BCAS3: variants seen among roughly 807,000 people sequenced by gnomAD.
BCAS3 encodes BCAS4/BCAS3 fusion.
BCAS3 carries 53 observed loss-of-function variants against 116.1 expected under a neutral mutation model. The ratio of observed to expected loss-of-function variants is 0.46; its 90% CI spans 0.37 to 0.57. The LOEUF is 0.57. Among genes scored for constraint, BCAS3 ranks in the 20% least tolerant of loss-of-function variants. BCAS3 has a pLI of 0.00. For synonymous variants in BCAS3, 391 were observed against 408.2 expected (o/e 0.96, Z 0.51); for missense variants, 917 against 1,165.4 (o/e 0.79, Z 3.10).
At position 61,037,488 on chromosome 17, in the gene BCAS3, T is replaced by C. The variant is rs2067127287; in HGVS notation, c.1763-401T>C. ...CAAGCACCATATGAAAAAATTCCTG[T>C]CGTCTGAGCATGGTGGCTCACGCCT... On this transcript the variant is annotated intron_variant, in intron 17 of 23. Coordinates refer to ENST00000407086, the MANE Select transcript of BCAS3 (RefSeq NM_017679.5). This position sits in a 1 kb window ranked among gnomAD's most constrained non-coding sequence, Gnocchi z 4.7. Among the ~76,000 whole-genome samples, 1 of 152,180 alleles carries C rather than the reference T, an allele frequency of 6.6e-6. No individual in the cohort carries two copies. Among genetic ancestry groups the C allele is most frequent in the African/African-American group, 2.4e-5 (1 of 41,438 alleles).
chr17:61,374,522 T>C (rs1427480498), intron 23 of BCAS3, among the ~76,000 whole-genome samples: 1 of 152,202 alleles, frequency 6.6e-6, no homozygotes, highest in Non-Finnish European at 1.5e-5. Context: ...TCCGGGAGAC[T>C]GTCTGTTCCC....
chr17:61,055,726 C>A (rs1003765731), intron 19 of BCAS3, among the ~76,000 whole-genome samples: 2 of 152,094 alleles, frequency 1.3e-5, no homozygotes, highest in Non-Finnish European at 2.9e-5. Context: ...TCTGTTCTTA[C>A]ATGGTTTATA....
intron 22 of BCAS3, among the ~76,000 whole-genome samples, chr17:61,317,509 AAAT>A (rs1258614518): frequency 6.6e-6 from 1 of 152,182 alleles, no homozygotes; most frequent in Non-Finnish European, 1.5e-5. Flanking sequence ...TGGACCAGGA[AAAT>A]GCAGCTCATG....
intron 6 of BCAS3, among the ~76,000 whole-genome samples, chr17:60,775,750 T>C (rs570741453): frequency 2.6e-5 from 4 of 152,310 alleles, no homozygotes; most frequent in African/African-American, 9.6e-5. Flanking sequence ...GCACAAATTA[T>C]AGGATACTGA....
In BCAS3 at chr17:61,126,463, CATT is replaced by C. The variant is rs2076052950; in HGVS notation, c.2425+41902_2425+41904del. On this transcript the variant is annotated intron_variant, in intron 22 of 23. Coordinates refer to ENST00000407086, the MANE Select transcript of BCAS3 (RefSeq NM_017679.5). This position sits in a 1 kb window ranked among gnomAD's most constrained non-coding sequence, Gnocchi z 4.6. ...TAGTGAAAAACCGAAGGACAATAGT[CATT>C]ATATGATTTTGTATTTTAAGTATTT... Among the ~76,000 whole-genome samples the C allele has an allele frequency of 6.6e-6, 1 of 152,102 alleles. No homozygotes were observed. The highest frequency in any genetic ancestry group is 1.5e-5 in the Non-Finnish European group (1 of 67,994).
intron 3 of BCAS3, among the ~76,000 whole-genome samples, chr17:60,688,613 A>G (rs1201512334): frequency 6.6e-6 from 1 of 152,092 alleles, no homozygotes; most frequent in Non-Finnish European, 1.5e-5. Flanking sequence ...TCAGGAGTTC[A>G]AGACCAGCCT....
intron 22 of BCAS3, among the ~76,000 whole-genome samples, chr17:61,272,758 C>T (rs2050417458): frequency 6.8e-6 from 1 of 146,546 alleles, no homozygotes; most frequent in Non-Finnish European, 1.5e-5. Flanking sequence ...ATAACTAGAT[C>T]TACTCCTGTT....
At chr17:60,933,292 A>C (rs1599781515) in intron 13 of BCAS3, among the ~76,000 whole-genome samples, 1 of 152,360 alleles carries the variant, frequency 6.6e-6, no homozygotes, top group East Asian at 1.9e-4. Flanking sequence ...TTAGAAACAT[A>C]AGGAAGAAAT....
intron 22 of BCAS3, among the ~76,000 whole-genome samples, chr17:61,160,237 T>C (rs955246428): frequency 4.0e-5 from 6 of 151,342 alleles, no homozygotes; most frequent in African/African-American, 1.5e-4. Flanking sequence ...TCCTAACATA[T>C]TATCTGATTC....
In BCAS3 at chr17:61,337,270, G is replaced by A. The variant is rs2056798760; in HGVS notation, c.2426-31057G>A. Reference sequence around the variant, plus strand: ...TAAATAGAGGCAGTTGCAGGTTCACGTATCTTGGGAAGTTATTGGTGGAGA... The same window carrying A: ...TAAATAGAGGCAGTTGCAGGTTCACATATCTTGGGAAGTTATTGGTGGAGA... On this transcript the variant is annotated intron_variant, in intron 22 of 23. Transcript: ENST00000407086. This position sits in a 1 kb window ranked among gnomAD's most constrained non-coding sequence, Gnocchi z 4.8. Among the ~76,000 whole-genome samples, 1 of 152,206 alleles carries A rather than the reference G, an allele frequency of 6.6e-6. No homozygotes were observed. Among genetic ancestry groups the A allele is most frequent in the Non-Finnish European group, 1.5e-5 (1 of 68,046 alleles).
rs931836892 is a variant in BCAS3 at position 61,136,559 on chromosome 17, G to A, written c.2425+51995G>A. 6.6e-6 allele frequency among the ~76,000 whole-genome samples: 1 copy of A among 152,086 alleles called. No homozygotes were observed. The highest frequency in any genetic ancestry group is 2.4e-5 in the African/African-American group (1 of 41,398). ...CAAATGTCCCCTTGTGGACAAAATT[G>A]TCCCATTTATTTATTGAGAGACGGA... On this transcript the variant is annotated intron_variant, in intron 22 of 23. Transcript: ENST00000407086. The surrounding 1 kb of genome is among the most constrained non-coding windows in gnomAD (Gnocchi z 4.4).
At position 61,012,360 on chromosome 17, in the gene BCAS3, A is replaced by C. The variant is rs1385781147; in HGVS notation, c.1487-3391A>C. Among the ~76,000 whole-genome samples, 1 of 151,960 alleles carries C rather than the reference A, an allele frequency of 6.6e-6. No individual in the cohort carries two copies. On this transcript the variant is annotated intron_variant, in intron 15 of 23. Transcript: ENST00000407086. This position sits in a 1 kb window ranked among gnomAD's most constrained non-coding sequence, Gnocchi z 4.5. The stretch of plus-strand genomic sequence containing the variant: ...CTTCTTTTTCAGTGTCAGTCTTTAA[A>C]TCTTTGTTCTCTGTTACCTTGATTT...
chr17:61,260,407 A>T (rs1388320901), intron 22 of BCAS3, among the ~76,000 whole-genome samples: 3 of 152,248 alleles, frequency 2.0e-5, no homozygotes, highest in African/African-American at 7.2e-5. Context: ...CACAAGGTCT[A>T]TAGAAAATGA....
intron 10 of BCAS3, among the ~76,000 whole-genome samples, chr17:60,890,129 T>C (rs1265580050): frequency 6.6e-6 from 1 of 152,210 alleles, no homozygotes; most frequent in Non-Finnish European, 1.5e-5. Context: ...TCTGTCTTCA[T>C]TGGTAGATTA....
chr17:61,102,167 T>C (rs2074368454), intron 22 of BCAS3, among the ~76,000 whole-genome samples: 1 of 152,114 alleles, frequency 6.6e-6, no homozygotes. Context: ...TATTTTGAGG[T>C]TGTGATCATG....
intron 6 of BCAS3, among the ~76,000 whole-genome samples, chr17:60,766,920 C>G (rs1393820138): frequency 2.0e-5 from 3 of 152,228 alleles, no homozygotes; most frequent in Non-Finnish European, 4.4e-5. Flanking sequence ...GCCCCTCCCC[C>G]AGCCAGGCTT....
chr17:60,987,276 GTTTTT>G (rs201779358), intron 14 of BCAS3: 2 of 135,812 alleles, frequency 1.5e-5, no homozygotes, highest in African/African-American at 5.3e-5. Context: ...ATTCCTCCAG[GTTTTT>G]TTTTTTTTTT....
At chr17:61,096,551 CTG>C (rs2073986964) in intron 22 of BCAS3, among the ~76,000 whole-genome samples, 1 of 152,174 alleles carries the variant, frequency 6.6e-6, no homozygotes, top group Admixed American at 6.5e-5. Context: ...AGGGGAAACC[CTG>C]TCTCAAAACA....
chr17:60,934,325 A>C (rs1056258137), intron 13 of BCAS3, among the ~76,000 whole-genome samples: 1 of 152,206 alleles, frequency 6.6e-6, no homozygotes, highest in African/African-American at 2.4e-5. Context: ...AAAGGTGCTC[A>C]GTTGATAGTG....
Sources: allele counts gnomAD v4.1 joint callset (sites outside exome capture counted in the v4.1 genomes callset), GRCh38; gene constraint gnomAD v4.1.1; non-coding constraint Gnocchi (gnomAD v3.1); transcripts MANE v1.5; gene names NCBI Gene and HGNC (gene_info 2026-07-23, HGNC 2026-07-21).